Variants in WDR59 observed in about 807,000 individuals in gnomAD.
WDR59 encodes GATOR2 complex protein WDR59.
WDR59 carries 100 observed loss-of-function variants against 131.2 expected under a neutral mutation model. That is an observed-to-expected ratio of 0.76 (90% CI 0.65 to 0.90). The LOEUF is 0.90. Ranked by LOEUF, WDR59 falls within the 40% of genes least tolerant of loss-of-function variation. WDR59 has a pLI of 0.00. For synonymous variants in WDR59, 601 were observed against 466.2 expected, an observed-to-expected ratio of 1.29 and a Z score of -3.72; for missense variants, 1,203 against 1,262.2, an observed-to-expected ratio of 0.95 and a Z score of 0.71.
chr16:74,932,919 G>A (rs988518842), intron 8 of WDR59, among the ~76,000 whole-genome samples: 1 of 152,184 alleles, frequency 6.6e-6, no homozygotes, highest in Non-Finnish European at 1.5e-5. Flanking sequence ...AAGAGGATGT[G>A]TTTGCAAGAT....
chr16:74,953,805 T>C (rs1215284750), intron 3 of WDR59, among the ~76,000 whole-genome samples: 1 of 150,864 alleles, frequency 6.6e-6, no homozygotes, highest in African/African-American at 2.4e-5. Flanking sequence ...ATCGAGACCA[T>C]CCTGGCTAAC....
chr16:74,915,289 T>C (rs1567715505), intron 13 of WDR59, among the ~76,000 whole-genome samples: 1 of 152,154 alleles, frequency 6.6e-6, no homozygotes, highest in Non-Finnish European at 1.5e-5. Context: ...TACAGTAAAA[T>C]GAGATGCTGG....
intron 17 of WDR59, among the ~76,000 whole-genome samples, chr16:74,906,308 C>T (rs1454691614): frequency 0.022 from 5 of 224 alleles, no homozygotes; most frequent in Admixed American, 0.12. Context: ...AGCAAGACTC[C>T]GTCTCAAAAA....
At chr16:74,961,950 T>A (rs534350592) in intron 2 of WDR59, among the ~76,000 whole-genome samples, 1 of 152,342 alleles carries the variant, frequency 6.6e-6, no homozygotes, top group African/African-American at 2.4e-5. Context: ...TTAATCCATC[T>A]TGAGTTTATT....
intron 19 of WDR59, among the ~76,000 whole-genome samples, chr16:74,893,207 GT>G (rs1965125396): frequency 6.6e-6 from 1 of 152,200 alleles, no homozygotes; most frequent in Non-Finnish European, 1.5e-5. Flanking sequence ...TGACTTTGAA[GT>G]CACCTACAGA....
intron 7 of WDR59, among the ~76,000 whole-genome samples, chr16:74,939,404 C>T (rs957013240): frequency 5.9e-5 from 9 of 151,882 alleles, no homozygotes; most frequent in South Asian, 2.1e-4. Flanking sequence ...TACAGCTATG[C>T]GACACCAAAT....
At chr16:74,905,638 C>T (rs1199261188) in intron 17 of WDR59, among the ~76,000 whole-genome samples, 1 of 151,584 alleles carries the variant, frequency 6.6e-6, no homozygotes, top group Non-Finnish European at 1.5e-5. Context: ...GCCAAGATTG[C>T]ACCACTGCAC....
intron 6 of WDR59, among the ~76,000 whole-genome samples, chr16:74,947,238 C>A (rs904441876): frequency 6.6e-6 from 1 of 152,072 alleles, no homozygotes; most frequent in Non-Finnish European, 1.5e-5. Context: ...CACCTGAGGT[C>A]GGGAGTTCAA....
At chr16:74,925,849 C>G (rs557824661) in intron 8 of WDR59, among the ~76,000 whole-genome samples, 2 of 151,916 alleles carry the variant, frequency 1.3e-5, no homozygotes, top group African/African-American at 4.8e-5. Flanking sequence ...GGCAACAAAG[C>G]AAGACCCTGT....
chr16:74,905,791 C>A (rs1318884434), intron 17 of WDR59, among the ~76,000 whole-genome samples: 1 of 151,666 alleles, frequency 6.6e-6, no homozygotes, highest in Non-Finnish European at 1.5e-5. Context: ...CATTGAAAAA[C>A]ATTAAAGAGG....
At chr16:74,959,835 GAAA>G (rs572556438) in intron 2 of WDR59, among the ~76,000 whole-genome samples, 1 of 91,150 alleles carries the variant, frequency 1.1e-5, no homozygotes. Flanking sequence ...ATAACAATAA[GAAA>G]AAAAAAAAAA....
intron 18 of WDR59, among the ~76,000 whole-genome samples, chr16:74,899,037 G>A (rs1260024525): frequency 1.3e-5 from 2 of 152,178 alleles, no homozygotes; most frequent in Non-Finnish European, 2.9e-5. Flanking sequence ...TGCACAGCGT[G>A]AGGTCACCTT....
rs1233890882 is a variant in WDR59 at position 74,959,891 on chromosome 16, T to A, written c.105-3281A>T. On this transcript the variant is annotated intron_variant, in intron 2 of 25. Transcript: ENST00000262144. ...GAAATTCAAAGGAAACGGCGATAAA[T>A]GCAGAAGAGAAAAAATCTTGGAACC... Among the ~76,000 whole-genome samples the A allele has an allele frequency of 2.7e-5, 4 of 147,418 alleles. No individual in the cohort carries two copies. The East Asian group carries it at 7.8e-4, about 29-fold the overall frequency.
chr16:74,964,491 G>A (rs2033686661), intron 2 of WDR59, among the ~76,000 whole-genome samples: 1 of 152,038 alleles, frequency 6.6e-6, no homozygotes, highest in Admixed American at 6.6e-5. Context: ...TCTCCAGGGA[G>A]GTGGTCAGAG....
chr16:74,967,236 T>C (rs1013504938), intron 1 of WDR59, among the ~76,000 whole-genome samples: 1 of 152,164 alleles, frequency 6.6e-6, no homozygotes, highest in Non-Finnish European at 1.5e-5. Flanking sequence ...GTGATTAACA[T>C]GCATCCTTCA....
chr16:74,910,254 C>T (rs1966022899), intron 14 of WDR59, among the ~76,000 whole-genome samples: 1 of 152,158 alleles, frequency 6.6e-6, no homozygotes, highest in Non-Finnish European at 1.5e-5. Flanking sequence ...AGACATGAGC[C>T]ACTGCGCCCG....
intron 21 of WDR59, 97 bp from the exon 22 acceptor site, chr16:74,888,416 A>C: frequency 7.7e-7 from 1 of 1,301,366 alleles, no homozygotes; most frequent in Non-Finnish European, 1.0e-6. Context: ...AGGGGTGGGA[A>C]GGGAGGAGTC....
chr16:74,888,041 C>G (rs1434755528), intron 22 of WDR59, 128 bp downstream of exon 22: 3 of 1,237,112 alleles, frequency 2.4e-6, no homozygotes, highest in South Asian at 3.2e-5. Flanking sequence ...TTGCTTGAAC[C>G]CAGGAGGCGG....
chr16:74,879,024 T>C (rs904417273), intron 25 of WDR59, among the ~76,000 whole-genome samples: 2 of 152,182 alleles, frequency 1.3e-5, no homozygotes, highest in African/African-American at 4.8e-5. Flanking sequence ...ACTACTGATA[T>C]TACTGAAGAG....
Sources: gnomAD v4.1 joint callset for allele counts (sites outside exome capture counted in the v4.1 genomes callset) on GRCh38, gnomAD v4.1.1 for gene constraint, MANE v1.5 for transcripts, NCBI Gene and HGNC (gene_info 2026-07-23, HGNC 2026-07-21) for gene names.